EXOC6B: variants seen among roughly 807,000 people sequenced by gnomAD.
The protein encoded by EXOC6B is SEC15 homolog B.
EXOC6B carries 54 observed loss-of-function variants against 113.5 expected under a neutral mutation model. That is an observed-to-expected ratio of 0.48 (90% CI 0.38 to 0.60). The LOEUF (loss-of-function observed/expected upper bound fraction) is 0.60, where lower values mean the gene tolerates loss of function less well. Ranked by LOEUF, EXOC6B falls within the 20% of genes least tolerant of loss-of-function variation. The pLI is 0.00. For missense variants in EXOC6B, 797 were observed against 977.5 expected (o/e 0.82, Z 2.46); for synonymous variants, 357 against 339.0 (o/e 1.05, Z -0.58).
chr2:72,528,655 C>A (rs185225177), intron 8 of EXOC6B, among the ~76,000 whole-genome samples: 48 of 152,150 alleles, frequency 3.2e-4, no homozygotes, highest in Admixed American at 2.7e-3. Context: ...TGTGTTAAGT[C>A]TTCCAATCCA....
At chr2:72,331,416 C>T (rs1157062546) in intron 20 of EXOC6B, among the ~76,000 whole-genome samples, 1 of 152,062 alleles carries the variant, frequency 6.6e-6, no homozygotes, top group Non-Finnish European at 1.5e-5. Flanking sequence ...AAAGTAAGTA[C>T]TGAGAATCTA....
intron 20 of EXOC6B, among the ~76,000 whole-genome samples, chr2:72,280,538 T>G (rs1186300495): frequency 6.6e-6 from 1 of 152,142 alleles, no homozygotes; most frequent in South Asian, 2.1e-4. Flanking sequence ...GGTTTCAAAG[T>G]GTTAAAGGTG....
At chr2:72,431,086 A>G (rs1361720601) in intron 18 of EXOC6B, among the ~76,000 whole-genome samples, 1 of 152,224 alleles carries the variant, frequency 6.6e-6, no homozygotes, top group African/African-American at 2.4e-5. Context: ...TGGAACTAAA[A>G]GATCAGAGAG....
intron 20 of EXOC6B, among the ~76,000 whole-genome samples, chr2:72,268,605 T>C (rs1684285091): frequency 6.6e-6 from 1 of 152,174 alleles, no homozygotes; most frequent in Non-Finnish European, 1.5e-5. Flanking sequence ...CGGAATCTCA[T>C]ATTGAAATGT....
intron 8 of EXOC6B, among the ~76,000 whole-genome samples, chr2:72,547,157 G>C (rs549845114): frequency 2.6e-5 from 4 of 152,290 alleles, no homozygotes; most frequent in African/African-American, 9.6e-5. Context: ...GTACTTGATA[G>C]AGCCTTTGTA....
chr2:72,416,951 G>A (rs1694563558), intron 18 of EXOC6B, among the ~76,000 whole-genome samples: 1 of 152,082 alleles, frequency 6.6e-6, no homozygotes, highest in African/African-American at 2.4e-5. Context: ...TACATTGTCT[G>A]ATTTCTAGTT....
At chr2:72,337,543 G>C (rs1407533058) in intron 19 of EXOC6B, among the ~76,000 whole-genome samples, 3 of 152,088 alleles carry the variant, frequency 2.0e-5, no homozygotes, top group Non-Finnish European at 4.4e-5. Context: ...AAACAACTTA[G>C]GAATCTGGAT....
chr2:72,465,768 T>C (rs1286665919), intron 17 of EXOC6B, among the ~76,000 whole-genome samples: 4 of 152,222 alleles, frequency 2.6e-5, no homozygotes, highest in Non-Finnish European at 5.9e-5. Flanking sequence ...AGTTATGAAG[T>C]ACCTGCCACC....
chr2:72,220,456 A>G (rs1680799245), intron 20 of EXOC6B, among the ~76,000 whole-genome samples: 2 of 152,100 alleles, frequency 1.3e-5, no homozygotes, highest in Non-Finnish European at 2.9e-5. Context: ...AGCCCTAGAA[A>G]CCTTCCAGAT....
At chr2:72,552,331 G>C (rs1703285006) in intron 8 of EXOC6B, among the ~76,000 whole-genome samples, 1 of 152,150 alleles carries the variant, frequency 6.6e-6, no homozygotes, top group South Asian at 2.1e-4. Flanking sequence ...ACATACGATT[G>C]AAGAGAGTAA....
intron 1 of EXOC6B, among the ~76,000 whole-genome samples, chr2:72,816,788 T>G (rs1014086786): frequency 3.9e-5 from 6 of 152,252 alleles, no homozygotes; most frequent in Non-Finnish European, 8.8e-5. Context: ...TTTCTCTCTA[T>G]GGCTACTAAT....
At chr2:72,802,538 A>C (rs990016655) in intron 1 of EXOC6B, among the ~76,000 whole-genome samples, 2 of 152,164 alleles carry the variant, frequency 1.3e-5, no homozygotes, top group African/African-American at 4.8e-5. Flanking sequence ...AACATTTGAA[A>C]TGTTTACCAA....
chr2:72,540,624 T>C (rs1187801573), intron 8 of EXOC6B, among the ~76,000 whole-genome samples: 2 of 152,202 alleles, frequency 1.3e-5, no homozygotes, highest in Non-Finnish European at 2.9e-5. Flanking sequence ...ATTTTGTCAA[T>C]GGACCCAAAA....
intron 6 of EXOC6B, among the ~76,000 whole-genome samples, chr2:72,684,239 T>G (rs958278464): frequency 1.3e-5 from 2 of 152,174 alleles, no homozygotes; most frequent in Non-Finnish European, 2.9e-5. Context: ...AATTTATTCT[T>G]ATATCCCTTT....
At chr2:72,461,058 G>T (rs547852787) in intron 18 of EXOC6B, among the ~76,000 whole-genome samples, 2 of 151,722 alleles carry the variant, frequency 1.3e-5, no homozygotes, top group African/African-American at 2.4e-5. Context: ...GTCCTTTGTA[G>T]GGACACGGAT....
At chr2:72,390,802 C>T (rs11902636) in intron 18 of EXOC6B, among the ~76,000 whole-genome samples, 2,170 of 152,294 alleles carry the variant, frequency 0.014, 69 homozygotes, top group African/African-American at 0.05. Context: ...ATCTCTTCAT[C>T]TGAGTTCTGG....
At chr2:72,266,117 T>C (rs1684065157) in intron 20 of EXOC6B, among the ~76,000 whole-genome samples, 2 of 152,190 alleles carry the variant, frequency 1.3e-5, no homozygotes, top group Admixed American at 1.3e-4. Context: ...TTTTTTCTTG[T>C]AAATTTGTTT....
At chr2:72,501,896 G>A (rs1700341700) in intron 11 of EXOC6B, among the ~76,000 whole-genome samples, 1 of 151,578 alleles carries the variant, frequency 6.6e-6, no homozygotes, top group African/African-American at 2.4e-5. Context: ...AAGTAGCTGG[G>A]GCTATAGGCA....
intron 2 of EXOC6B, among the ~76,000 whole-genome samples, chr2:72,736,361 A>G (rs1213004590): frequency 6.6e-6 from 1 of 152,176 alleles, no homozygotes; most frequent in Non-Finnish European, 1.5e-5. Flanking sequence ...AATAGCATTG[A>G]CAGTTGTAAT....
Sources: allele counts gnomAD v4.1 joint callset (sites outside exome capture counted in the v4.1 genomes callset), GRCh38; gene constraint gnomAD v4.1.1; transcripts MANE v1.5; gene names NCBI Gene and HGNC (gene_info 2026-07-23, HGNC 2026-07-21).